Variants in TASP1 observed in about 807,000 individuals in gnomAD.
The protein encoded by TASP1 is taspase 1.
In TASP1, 16 loss-of-function variants were observed where a neutral mutation model predicts 56.6. That is an observed-to-expected ratio of 0.28 (90% CI 0.19 to 0.43). The LOEUF (loss-of-function observed/expected upper bound fraction) is 0.43, where lower values mean the gene tolerates loss of function less well. TASP1 is among the 20% of genes least tolerant of loss of function. The pLI, the probability that TASP1 is intolerant of heterozygous loss-of-function variation, is 1.00. For synonymous variants in TASP1, 179 were observed against 184.2 expected (o/e 0.97, Z 0.23); for missense variants, 393 against 511.6 (o/e 0.77, Z 2.24).
the TASP1 span, among the ~76,000 whole-genome samples, chr20:13,271,747 C>A: frequency 2.6e-5 from 4 of 152,138 alleles, no homozygotes; most frequent in Non-Finnish European, 5.9e-5. Flanking sequence ...GGCAACCCAG[C>A]CCCTATCCAA....
At chr20:13,221,704 T>G in the TASP1 span, 1 of 1,262,170 alleles carries the variant, frequency 7.9e-7, no homozygotes, top group Non-Finnish European at 1.0e-6. Flanking sequence ...GGGCTCCTAC[T>G]CCTCCTCCCC....
intron 6 of TASP1, among the ~76,000 whole-genome samples, chr20:13,572,879 G>A (rs1421114576): frequency 6.6e-6 from 1 of 152,036 alleles, no homozygotes; most frequent in East Asian, 1.9e-4. Flanking sequence ...ACTATAATCA[G>A]TCTAAAATGT....
downstream of TASP1, among the ~76,000 whole-genome samples, chr20:13,386,352 T>C (rs1600646404): frequency 6.6e-6 from 1 of 152,152 alleles, no homozygotes; most frequent in African/African-American, 2.4e-5. Flanking sequence ...CTGTAGGGTG[T>C]TTATTAAGGG....
the TASP1 span, among the ~76,000 whole-genome samples, chr20:13,173,196 C>T: frequency 1.3e-5 from 2 of 152,180 alleles, no homozygotes; most frequent in Non-Finnish European, 1.5e-5. Context: ...CTCAGGGGAG[C>T]ATCCAGAGAT....
chr20:13,151,366 C>G, the TASP1 span, among the ~76,000 whole-genome samples: 4 of 152,172 alleles, frequency 2.6e-5, no homozygotes, highest in Non-Finnish European at 5.9e-5. Context: ...CTTGCTAACA[C>G]CCAAGTGGAC....
chr20:13,249,015 G>A, the TASP1 span, among the ~76,000 whole-genome samples: 1 of 152,182 alleles, frequency 6.6e-6, no homozygotes, highest in Non-Finnish European at 1.5e-5. Context: ...GCTAAACATC[G>A]TGGGCCAAGT....
At chr20:13,417,936 G>T (rs1307593593) in intron 12 of TASP1, among the ~76,000 whole-genome samples, 1 of 152,156 alleles carries the variant, frequency 6.6e-6, no homozygotes, top group Non-Finnish European at 1.5e-5. Flanking sequence ...TATTGAGACG[G>T]AGTTTCACTC....
chr20:13,240,076 A>C, the TASP1 span, among the ~76,000 whole-genome samples: 38,328 of 152,154 alleles, frequency 0.25, 4,920 homozygotes, highest in African/African-American at 0.31. Flanking sequence ...AAACTGCAGT[A>C]AGGCAAATGA....
chr20:13,507,181 A>G (rs1207447599), intron 10 of TASP1, among the ~76,000 whole-genome samples: 10 of 152,170 alleles, frequency 6.6e-5, no homozygotes, highest in Admixed American at 6.6e-4. Context: ...CATCAAAAAG[A>G]ATAAAATATT....
the TASP1 span, among the ~76,000 whole-genome samples, chr20:13,285,128 T>A: frequency 1.3e-5 from 2 of 152,010 alleles, no homozygotes; most frequent in African/African-American, 2.4e-5. Context: ...CTCTATAAAA[T>A]TTTTTTGAAA....
the TASP1 span, among the ~76,000 whole-genome samples, chr20:13,287,978 A>T: frequency 4.6e-5 from 7 of 152,318 alleles, no homozygotes; most frequent in African/African-American, 1.7e-4. Context: ...AGGCTTGAGA[A>T]GGCTTTGCTC....
chr20:13,233,510 GCTTGAA>G, the TASP1 span, among the ~76,000 whole-genome samples: 1 of 150,588 alleles, frequency 6.6e-6, no homozygotes, highest in Non-Finnish European at 1.5e-5. Flanking sequence ...CAGGAAAATT[GCTTGAA>G]CCAGGGAGCT....
At chr20:13,113,754 A>T in the TASP1 span, among the ~76,000 whole-genome samples, 2 of 152,196 alleles carry the variant, frequency 1.3e-5, no homozygotes, top group African/African-American at 2.4e-5. Flanking sequence ...CTCACAACCA[A>T]GAGTGGCTGT....
intron 12 of TASP1, among the ~76,000 whole-genome samples, chr20:13,431,391 G>T (rs2042800464): frequency 6.6e-6 from 1 of 152,098 alleles, no homozygotes; most frequent in Non-Finnish European, 1.5e-5. Context: ...ACAGGCAGAG[G>T]TTTATGACAA....
chr20:13,442,185 C>A (rs1400382373), intron 11 of TASP1, among the ~76,000 whole-genome samples: 1 of 152,004 alleles, frequency 6.6e-6, no homozygotes, highest in Admixed American at 6.6e-5. Flanking sequence ...TTATACAGAT[C>A]CAGACTTTCT....
At chr20:13,521,440 A>G (rs1238791668) in intron 10 of TASP1, among the ~76,000 whole-genome samples, 1 of 152,198 alleles carries the variant, frequency 6.6e-6, no homozygotes, top group African/African-American at 2.4e-5. Context: ...AATACTATGC[A>G]GCCATAAAAA....
At chr20:13,199,311 T>C in the TASP1 span, among the ~76,000 whole-genome samples, 2 of 152,120 alleles carry the variant, frequency 1.3e-5, no homozygotes, top group Non-Finnish European at 2.9e-5. Flanking sequence ...CTGGCTTATA[T>C]TTGAATAATA....
chr20:13,275,547 T>C, the TASP1 span, among the ~76,000 whole-genome samples: 2 of 152,224 alleles, frequency 1.3e-5, no homozygotes, highest in South Asian at 2.1e-4. Context: ...TCAGCCAGAC[T>C]TGACCTCCGT....
At chr20:13,576,377 GAAAGAAAGAAAGAAAGAA>G (rs1555793587) in intron 6 of TASP1, among the ~76,000 whole-genome samples, 4 of 71,212 alleles carry the variant, frequency 5.6e-5, no homozygotes, top group Admixed American at 3.0e-4. Context: ...AAGAAAGAAA[GAAAGAAAGAAAGAAAGAA>G]AGTCAGTCTT....
Sources: allele counts gnomAD v4.1 joint callset (sites outside exome capture counted in the v4.1 genomes callset), GRCh38; gene constraint gnomAD v4.1.1; transcripts MANE v1.5; gene names NCBI Gene and HGNC (gene_info 2026-07-23, HGNC 2026-07-21).